DAP3: variants seen among roughly 807,000 people sequenced by gnomAD.
DAP3 encodes the protein death associated protein 3.
Under a neutral mutation model 51.9 loss-of-function variants are expected in DAP3, and 28 were observed. That is an observed-to-expected ratio of 0.54 (90% CI 0.40 to 0.74). The LOEUF (loss-of-function observed/expected upper bound fraction) is 0.74, where lower values mean the gene tolerates loss of function less well. Among genes scored for constraint, DAP3 ranks in the 30% least tolerant of loss-of-function variants. The probability of loss-of-function intolerance (pLI) is 0.00; values close to 1 mark genes in which losing one functional copy is unlikely to be tolerated. For missense variants in DAP3, 458 were observed against 483.5 expected (o/e 0.95, Z 0.49); for synonymous variants, 170 against 170.3 (o/e 1.00, Z 0.01).
At chr1:155,707,412 CAA>C (rs199683444) in intron 1 of DAP3, among the ~76,000 whole-genome samples, 16 of 91,492 alleles carry the variant, frequency 1.7e-4, no homozygotes, top group Admixed American at 2.5e-4. Flanking sequence ...GACTCCGTCT[CAA>C]AAAAAAAAAA....
intron 1 of DAP3, among the ~76,000 whole-genome samples, chr1:155,693,484 A>G (rs1654126917): frequency 7.0e-6 from 1 of 142,026 alleles, no homozygotes. Context: ...ATTGGTTGAA[A>G]TTATGGGAAA....
At chr1:155,710,019 A>C in intron 2 of DAP3, 195 bp downstream of exon 2, 1 of 471,904 alleles carries the variant, frequency 2.1e-6, no homozygotes, top group East Asian at 3.1e-5. Flanking sequence ...AACATAAGTA[A>C]GTTTGACTGT....
chr1:155,689,968 A>AAAATTTGCTCATGGTAGAATTTAAGATG (rs1558327477), intron 1 of DAP3, among the ~76,000 whole-genome samples: 8 of 143,000 alleles, frequency 5.6e-5, no homozygotes, highest in African/African-American at 2.5e-4. Flanking sequence ...GCTCCTAGGC[A>AAAATTTGCTCATGGTAGAATTTAAGATG]TAGGGAAGGT....
intron 1 of DAP3, among the ~76,000 whole-genome samples, chr1:155,700,988 G>T (rs1289066851): frequency 9.2e-6 from 1 of 108,638 alleles, no homozygotes; most frequent in African/African-American, 4.8e-5. Flanking sequence ...CAGCCGCCCC[G>T]TCCGGGAGGG....
chr1:155,711,018 A>G (rs890201791), intron 2 of DAP3, among the ~76,000 whole-genome samples: 1 of 152,122 alleles, frequency 6.6e-6, no homozygotes, highest in African/African-American at 2.4e-5. Context: ...ATTTAATTAC[A>G]GATTAGATTT....
chr1:155,704,927 C>T (rs923061926), intron 1 of DAP3, among the ~76,000 whole-genome samples: 7 of 151,336 alleles, frequency 4.6e-5, no homozygotes, highest in African/African-American at 9.7e-5. Context: ...TGCAGTGAGC[C>T]GAGATCATGC....
intron 1 of DAP3, among the ~76,000 whole-genome samples, chr1:155,707,439 A>C (rs1210966486): frequency 3.3e-5 from 5 of 152,100 alleles, no homozygotes; most frequent in African/African-American, 9.7e-5. Flanking sequence ...TTTATAGCCA[A>C]AATGAACTAA....
At chr1:155,709,975 A>T in intron 2 of DAP3, 151 bp downstream of exon 2, 1 of 601,648 alleles carries the variant, frequency 1.7e-6, no homozygotes, top group South Asian at 3.1e-5. Context: ...TTGAGAATTT[A>T]CCATGGAATA....
chr1:155,736,800 G>A (rs535672017), intron 11 of DAP3, 146 bp from the exon 12 acceptor site: 6 of 732,704 alleles, frequency 8.2e-6, no homozygotes, highest in African/African-American at 1.8e-5. Flanking sequence ...GTGGAGTCCT[G>A]TATCAGGCAA....
chr1:155,726,892 T>C (rs1486088490), intron 6 of DAP3: 2 of 152,106 alleles, frequency 1.3e-5, no homozygotes, highest in African/African-American at 4.8e-5. Flanking sequence ...AAGCAGATTA[T>C]AAGGTGAAGT....
At chr1:155,721,034 C>T (rs1657934455) in intron 3 of DAP3, among the ~76,000 whole-genome samples, 4 of 140,924 alleles carry the variant, frequency 2.8e-5, no homozygotes, top group Admixed American at 2.8e-4. Flanking sequence ...GAGACTCTGT[C>T]TCAAAAAAAA....
At position 155,738,392 on chromosome 1, in the gene DAP3, TA is replaced by T. The variant is rs1660021433; in HGVS notation, c.*154del. 2 of 639,852 alleles carry T rather than the reference TA, an allele frequency of 3.1e-6. No homozygotes were observed. Among genetic ancestry groups the T allele is most frequent in the African/African-American group, 3.7e-5 (2 of 54,576 alleles). 39.6% of individuals were successfully genotyped at this position (639,852 alleles called of 1,614,324 possible). On this transcript the variant is annotated 3_prime_UTR_variant, in exon 13 of 13. Transcript: ENST00000368336. ...ACTGCAGTTGGCTCTGGACCTGCAT[TA>T]AAATGGGTTTCACTGTGAATGCGTG...
intron 9 of DAP3, among the ~76,000 whole-genome samples, chr1:155,730,101 C>G (rs930766207): frequency 4.4e-5 from 6 of 136,528 alleles, no homozygotes; most frequent in Non-Finnish European, 7.5e-5. Context: ...TATATATACA[C>G]ACATATATTC....
chr1:155,717,254 T>G, intron 3 of DAP3, 126 bp downstream of exon 3: 4 of 1,431,252 alleles, frequency 2.8e-6, no homozygotes, highest in Non-Finnish European at 3.8e-6. Flanking sequence ...ATAGTGCACC[T>G]GAGATAGCAC....
upstream of DAP3, chr1:155,688,474 A>G (rs1240076551): frequency 6.5e-7 from 1 of 1,549,496 alleles, no homozygotes; most frequent in Non-Finnish European, 8.7e-7. Context: ...TGTAGCGCGC[A>G]CGTCAGCCCG....
chr1:155,688,319 T>TGGC, upstream of DAP3: 1 of 1,557,606 alleles, frequency 6.4e-7, no homozygotes, highest in Non-Finnish European at 8.7e-7. Flanking sequence ...GAACCCAAAA[T>TGGC]GGCGGCGGCA....
At chr1:155,708,057 T>A (rs1656215789) in intron 1 of DAP3, among the ~76,000 whole-genome samples, 1 of 152,142 alleles carries the variant, frequency 6.6e-6, no homozygotes, top group South Asian at 2.1e-4. Flanking sequence ...GGTTTTGGTT[T>A]TTGTTTTGAG....
intron 6 of DAP3, among the ~76,000 whole-genome samples, chr1:155,726,658 A>C (rs1441385757): frequency 6.6e-6 from 1 of 151,970 alleles, no homozygotes; most frequent in Non-Finnish European, 1.5e-5. Context: ...ACGATGGCTC[A>C]AACCTATAAT....
In DAP3 at chr1:155,727,646, T is replaced by C; in HGVS notation, c.511T>C (p.Ser171Pro). The C allele has an allele frequency of 6.2e-7, 1 of 1,613,734 alleles. No homozygotes were observed. The highest frequency in any genetic ancestry group is 1.1e-5 in the South Asian group (1 of 91,028). The change falls in exon 7 of 13, where the codon TCC (serine) becomes CCC (proline). Residue 171 changes from serine (S) to proline (P), a missense_variant. Coordinates refer to ENST00000368336, the MANE Select transcript of DAP3 (RefSeq NM_004632.4). ...WVKNCRDLLQ[S>P]SYNKQRFDQP... is the part of the protein sequence containing the mutation. ...GAAAAATTGTCGGGATCTTCTGCAG[T>C]CCAGCTACAACAAACAGCGCTTTGA...
Sources: allele counts gnomAD v4.1 joint callset (sites outside exome capture counted in the v4.1 genomes callset), GRCh38; gene constraint gnomAD v4.1.1; transcripts MANE v1.5; gene names NCBI Gene and HGNC (gene_info 2026-07-23, HGNC 2026-07-21).